The following ARFGEF2 variants were observed in gnomAD, a reference collection of about 807,000 sequenced individuals.
ARFGEF2 encodes brefeldin A-inhibited guanine nucleotide-exchange protein 2.
Under a neutral mutation model 219.9 loss-of-function variants are expected in ARFGEF2, and 74 were observed. The observed-to-expected ratio is 0.34, with a 90% confidence interval of 0.28 to 0.41. The LOEUF is 0.41. Among genes scored for constraint, ARFGEF2 ranks in the 10% least tolerant of loss-of-function variants. The pLI is 1.00. For missense variants in ARFGEF2, 1,743 were observed against 2,218.3 expected (o/e 0.79, Z 4.30); for synonymous variants, 733 against 799.2 (o/e 0.92, Z 1.40).
intron 6 of ARFGEF2, 110 bp downstream of exon 6, chr20:48,953,900 T>C (rs2091089787): frequency 9.1e-7 from 1 of 1,102,778 alleles, no homozygotes; most frequent in Non-Finnish European, 1.3e-6. Flanking sequence ...TGATAACAGC[T>C]TATCTCTTTC....
intron 1 of ARFGEF2, among the ~76,000 whole-genome samples, chr20:48,937,010 AC>A: frequency 6.6e-6 from 1 of 152,282 alleles, no homozygotes; most frequent in African/African-American, 2.4e-5. Context: ...CAAGAACCCA[AC>A]TTTTAGGTTG....
chr20:48,927,133 T>C (rs1214482246), intron 1 of ARFGEF2, among the ~76,000 whole-genome samples: 1 of 151,992 alleles, frequency 6.6e-6, no homozygotes, highest in Non-Finnish European at 1.5e-5. Context: ...TGTTTGTTTA[T>C]TTAAAGGTAG....
At chr20:48,999,593 A>G (rs2091412399) in intron 25 of ARFGEF2, among the ~76,000 whole-genome samples, 1 of 151,878 alleles carries the variant, frequency 6.6e-6, no homozygotes, top group Non-Finnish European at 1.5e-5. Flanking sequence ...TAAAAATACA[A>G]AAGTTTAGCC....
In ARFGEF2 at chr20:49,033,510, T is replaced by C; in HGVS notation, c.*311T>C. ...ATCGTTTTCTAGCAAAATCCCATGA[T>C]TGGCTATAAACGTTTTGTAAGAAGT... is the stretch of plus-strand genomic sequence containing the variant. On this transcript the variant is annotated 3_prime_UTR_variant, in exon 39 of 39. Coordinates refer to ENST00000371917, the MANE Select transcript of ARFGEF2 (RefSeq NM_006420.3). The C allele has an allele frequency of 5.6e-6, 2 of 358,594 alleles. No individual in the cohort carries two copies. The highest frequency in any genetic ancestry group is 1.1e-5 in the Non-Finnish European group (2 of 189,242). 22.2% of individuals were successfully genotyped at this position (358,594 alleles called of 1,614,324 possible).
At chr20:48,957,454 C>T (rs942267971) in intron 6 of ARFGEF2, among the ~76,000 whole-genome samples, 1 of 152,200 alleles carries the variant, frequency 6.6e-6, no homozygotes, top group Non-Finnish European at 1.5e-5. Flanking sequence ...AGGTGGCCCT[C>T]TTATTTTGCT....
chr20:48,952,717 G>T lies in ARFGEF2; in HGVS notation c.436G>T (p.Ala146Ser), dbSNP rs1437141829. ...ATTTCTATTTTAGGCTCTTCTGACT[G>T]CAGTGACTTCCCCACACATTGAAAT... The part of the protein sequence containing the change: ...QLQIIKALLT[A>S]VTSPHIEIHE... Residue 146 changes from alanine to serine, a missense_variant, in exon 5 of 39, where the codon GCA becomes TCA. By Grantham distance (99) the Ala-to-Ser change is moderately conservative (BLOSUM62 1). Around this residue, in one of 5 missense-constraint regions of ARFGEF2, gnomAD observed 394 missense variants for 426.6 expected, o/e 0.92. Transcript: ENST00000371917. 1.2e-6 allele frequency: 2 copies of T among 1,614,098 alleles called. No homozygotes were observed. The highest frequency in any genetic ancestry group is 1.7e-6 in the Non-Finnish European group (2 of 1,180,038).
chr20:48,929,127 A>T (rs1044973519), intron 1 of ARFGEF2, among the ~76,000 whole-genome samples: 1 of 152,216 alleles, frequency 6.6e-6, no homozygotes, highest in African/African-American at 2.4e-5. Flanking sequence ...CCAGGAAAAT[A>T]CTTGACTTTC....
chr20:48,968,164 T>G (rs1358560632), intron 8 of ARFGEF2, among the ~76,000 whole-genome samples: 1 of 151,878 alleles, frequency 6.6e-6, no homozygotes, highest in African/African-American at 2.4e-5. Flanking sequence ...TGGCTAATTT[T>G]TTGTATTTTT....
chr20:48,924,468 C>T (rs1030890049), intron 1 of ARFGEF2, among the ~76,000 whole-genome samples: 5 of 143,262 alleles, frequency 3.5e-5, no homozygotes, highest in Non-Finnish European at 7.5e-5. Flanking sequence ...GCTGAGATTG[C>T]GCCACTGCAC....
intron 3 of ARFGEF2, among the ~76,000 whole-genome samples, chr20:48,950,364 TA>T (rs900648829): frequency 1.3e-5 from 2 of 152,108 alleles, no homozygotes; most frequent in Admixed American, 6.6e-5. Flanking sequence ...CACAGCTACT[TA>T]GTTCTCCTCC....
chr20:48,937,261 G>C (rs1371198599), intron 1 of ARFGEF2, among the ~76,000 whole-genome samples: 2 of 152,216 alleles, frequency 1.3e-5, no homozygotes, highest in Admixed American at 6.5e-5. Context: ...ACAGCAGCCA[G>C]AGTGATCTGT....
At chr20:48,991,289 T>C in intron 21 of ARFGEF2, 91 bp downstream of exon 21, 1 of 1,557,954 alleles carries the variant, frequency 6.4e-7, no homozygotes, top group Non-Finnish European at 8.8e-7. Context: ...AGTTCTGTTT[T>C]TCTTGAAGTC....
intron 1 of ARFGEF2, among the ~76,000 whole-genome samples, chr20:48,940,953 C>T (rs2090989509): frequency 1.3e-5 from 2 of 152,250 alleles, no homozygotes; most frequent in Admixed American, 1.3e-4. Context: ...GAGTATGGAC[C>T]TCATAGGATC....
intron 1 of ARFGEF2, among the ~76,000 whole-genome samples, chr20:48,933,955 A>G (rs985534608): frequency 1.3e-5 from 2 of 151,998 alleles, no homozygotes; most frequent in African/African-American, 4.8e-5. Context: ...CCCTGTCTCT[A>G]CTAAAAATAT....
At chr20:48,941,787 T>A in intron 2 of ARFGEF2, 77 bp from the exon 3 acceptor site, 2 of 1,604,006 alleles carry the variant, frequency 1.2e-6, no homozygotes, top group Non-Finnish European at 1.7e-6. Flanking sequence ...ATTAAATGGT[T>A]GCAGATGGAA....
rs114221662 is a variant in ARFGEF2 at position 48,991,229 on chromosome 20, G to C, written c.2973+31G>C. The C allele has an allele frequency of 1.5e-3, 2,420 of 1,611,298 alleles. 33 individuals are homozygous for C. In the African/African-American group the frequency reaches 0.029, roughly 19 times the overall value. ...TGTCTCTTTGAATTGCCTTTTCTCAGTTAGGATGACTCCTGGCTTCCTTTT... is the reference window on the plus strand; with the variant it reads ...TGTCTCTTTGAATTGCCTTTTCTCACTTAGGATGACTCCTGGCTTCCTTTT... On this transcript the variant is annotated intron_variant, in intron 21 of 38. Coordinates refer to ENST00000371917, the MANE Select transcript of ARFGEF2 (RefSeq NM_006420.3).
At chr20:48,927,121 GTTGT>G (rs141696735) in intron 1 of ARFGEF2, among the ~76,000 whole-genome samples, 5,280 of 152,204 alleles carry the variant, frequency 0.035, 288 homozygotes, top group African/African-American at 0.12. Context: ...GCTCCTGGGA[GTTGT>G]TTGTTTATTT....
chr20:48,929,803 C>T (rs2123275767), intron 1 of ARFGEF2, among the ~76,000 whole-genome samples: 1 of 152,284 alleles, frequency 6.6e-6, no homozygotes, highest in Non-Finnish European at 1.5e-5. Flanking sequence ...GAACATTGTA[C>T]TTGAGCAAAG....
At chr20:49,020,285 T>G (rs529903667) in intron 34 of ARFGEF2, among the ~76,000 whole-genome samples, 1 of 152,332 alleles carries the variant, frequency 6.6e-6, no homozygotes, top group East Asian at 1.9e-4. Context: ...AGCAGCACAT[T>G]TGACCAAAAC....
Sources: allele counts gnomAD v4.1 joint callset (sites outside exome capture counted in the v4.1 genomes callset), GRCh38; gene constraint gnomAD v4.1.1; regional missense constraint gnomAD v4.1.1; transcripts MANE v1.5; gene names NCBI Gene and HGNC (gene_info 2026-07-23, HGNC 2026-07-21).